The following THRB variants were observed in gnomAD, a reference collection of about 807,000 sequenced individuals.
THRB encodes the protein thyroid hormone receptor beta, also known as nuclear receptor subfamily 1 group A member 2.
A neutral mutation model predicts 47.8 loss-of-function variants in THRB; 12 were observed. The observed-to-expected ratio is 0.25, with a 90% CI of 0.16 to 0.41. The LOEUF is 0.41. Ranked by LOEUF, THRB falls within the 10% of genes least tolerant of loss-of-function variation. The pLI is 1.00. For synonymous variants in THRB, 218 were observed against 212.2 expected (o/e 1.03, Z -0.24); for missense variants, 348 against 589.2 (o/e 0.59, Z 4.24).
chr3:24,190,468 G>A (rs1575731232), intron 4 of THRB, 134 bp from the exon 5 acceptor site: 3 of 1,146,536 alleles, frequency 2.6e-6, no homozygotes, highest in East Asian at 4.7e-5. Context: ...TGACGGGAGT[G>A]ATAAGATGCA....
intron 1 of THRB, among the ~76,000 whole-genome samples, chr3:24,410,426 T>C (rs1003742303): frequency 1.3e-5 from 2 of 151,812 alleles, no homozygotes; most frequent in South Asian, 2.1e-4. Context: ...AAAAAATAGA[T>C]GCAGAGAGCC....
chr3:24,328,715 T>C (rs879374393), intron 2 of THRB, among the ~76,000 whole-genome samples: 4 of 152,232 alleles, frequency 2.6e-5, no homozygotes, highest in Non-Finnish European at 4.4e-5. Context: ...CTTAGGCTAA[T>C]GAATAGCTGC....
At chr3:24,234,418 AT>A (rs2048661179) in intron 3 of THRB, among the ~76,000 whole-genome samples, 1 of 152,186 alleles carries the variant, frequency 6.6e-6, no homozygotes, top group African/African-American at 2.4e-5. Flanking sequence ...CACAAGAGCT[AT>A]TTTTGGTTGG....
chr3:24,240,100 T>A (rs1451237970), intron 3 of THRB, among the ~76,000 whole-genome samples: 1 of 152,198 alleles, frequency 6.6e-6, no homozygotes, highest in African/African-American at 2.4e-5. Flanking sequence ...CTATAACAGC[T>A]TTGAAAATCA....
At chr3:24,275,686 T>TA in intron 3 of THRB, among the ~76,000 whole-genome samples, 1 of 152,310 alleles carries the variant, frequency 6.6e-6, no homozygotes, top group South Asian at 2.1e-4. Flanking sequence ...AACTCTGGTT[T>TA]TTGCCGGCTT....
At chr3:24,211,279 T>G (rs2045998642) in intron 4 of THRB, among the ~76,000 whole-genome samples, 1 of 152,164 alleles carries the variant, frequency 6.6e-6, no homozygotes, top group Non-Finnish European at 1.5e-5. Flanking sequence ...ATATTTGTGA[T>G]GTGGTGCTTG....
At chr3:24,392,328 G>A (rs1052037767) in intron 1 of THRB, among the ~76,000 whole-genome samples, 3 of 152,034 alleles carry the variant, frequency 2.0e-5, no homozygotes, top group African/African-American at 7.2e-5. Flanking sequence ...TAATAATCAA[G>A]TTGGGGTAAT....
intron 1 of THRB, among the ~76,000 whole-genome samples, chr3:24,407,068 T>C (rs566851698): frequency 3.3e-5 from 5 of 151,728 alleles, no homozygotes; most frequent in African/African-American, 1.2e-4. Context: ...TTAGATAAAC[T>C]GAACTGAGAA....
chr3:24,430,181 T>C (rs1187468527), intron 1 of THRB: 1 of 151,922 alleles, frequency 6.6e-6, no homozygotes, highest in Non-Finnish European at 1.5e-5. Flanking sequence ...ACCTGGGACA[T>C]AAGCAAAGTA....
intron 1 of THRB, among the ~76,000 whole-genome samples, chr3:24,451,657 C>G (rs1163939113): frequency 6.6e-6 from 1 of 152,162 alleles, no homozygotes; most frequent in Non-Finnish European, 1.5e-5. Context: ...GAGGACAGCT[C>G]CTTATAAAGC....
chr3:24,326,389 C>T (rs1211227738), intron 2 of THRB, among the ~76,000 whole-genome samples: 3 of 152,136 alleles, frequency 2.0e-5, no homozygotes, highest in Non-Finnish European at 4.4e-5. Flanking sequence ...GTGCCCACCA[C>T]CATGCCTGGC....
At chr3:24,164,911 C>G (rs115042891) in intron 5 of THRB, 1 of 584,588 alleles carries the variant, frequency 1.7e-6, no homozygotes. Context: ...TTTTTAATTT[C>G]AAATATTTAG....
intron 4 of THRB, 28 bp downstream of exon 4, chr3:24,228,910 C>G (rs764109311): frequency 6.3e-7 from 1 of 1,590,498 alleles, no homozygotes; most frequent in Admixed American, 1.7e-5. Flanking sequence ...TGGAGGCACA[C>G]AAAGAAAATG....
chr3:24,475,263 AT>A (rs1695277054), intron 1 of THRB, among the ~76,000 whole-genome samples: 1 of 152,158 alleles, frequency 6.6e-6, no homozygotes, highest in African/African-American at 2.4e-5. Context: ...TTAATATTTT[AT>A]TTTGTAGAAT....
At chr3:24,382,987 C>T (rs985668656) in intron 1 of THRB, among the ~76,000 whole-genome samples, 3 of 152,134 alleles carry the variant, frequency 2.0e-5, no homozygotes, top group Non-Finnish European at 4.4e-5. Flanking sequence ...CTATCCGGAA[C>T]ATTCCCCTCT....
intron 1 of THRB, among the ~76,000 whole-genome samples, chr3:24,453,894 C>T (rs770701206): frequency 6.6e-6 from 1 of 152,144 alleles, no homozygotes; most frequent in Non-Finnish European, 1.5e-5. Flanking sequence ...TCTCCTAGCC[C>T]TCAAGACAGC....
chr3:24,397,629 GT>G (rs1254306101), intron 1 of THRB, among the ~76,000 whole-genome samples: 1 of 141,306 alleles, frequency 7.1e-6, no homozygotes, highest in African/African-American at 2.6e-5. Flanking sequence ...GAGATAGAGT[GT>G]CACACTGTCG....
At chr3:24,367,152 A>G (rs2064535315) in intron 1 of THRB, among the ~76,000 whole-genome samples, 1 of 152,214 alleles carries the variant, frequency 6.6e-6, no homozygotes, top group Admixed American at 6.5e-5. Context: ...AAGAACTTTC[A>G]GCATAGGCTG....
chr3:24,170,696 C>G (rs897703298), intron 5 of THRB, among the ~76,000 whole-genome samples: 1 of 152,254 alleles, frequency 6.6e-6, no homozygotes, highest in East Asian at 1.9e-4. Flanking sequence ...CAGGACAGAG[C>G]CCTTCTCATT....
Sources: allele counts gnomAD v4.1 joint callset (sites outside exome capture counted in the v4.1 genomes callset), GRCh38; gene constraint gnomAD v4.1.1; transcripts MANE v1.5; gene names NCBI Gene and HGNC (gene_info 2026-07-23, HGNC 2026-07-21).